Variants in NALCN observed in about 807,000 individuals in gnomAD.
The protein encoded by NALCN is sodium leak channel, non-selective, also known as sodium leak channel NALCN.
A neutral mutation model predicts 225.3 loss-of-function variants in NALCN; 111 were observed. That is an observed-to-expected ratio of 0.49 (90% confidence interval 0.42 to 0.58). The LOEUF is 0.58. NALCN is among the 20% of genes least tolerant of loss of function. The pLI, the probability that NALCN is intolerant of heterozygous loss-of-function variation, is 0.00. For synonymous variants in NALCN, 764 were observed against 769.0 expected (o/e 0.99, Z 0.11); for missense variants, 1,378 against 2,202.4 (o/e 0.63, Z 7.49).
At chr13:101,356,261 A>G (rs9557623) in intron 6 of NALCN, among the ~76,000 whole-genome samples, 66,100 of 151,906 alleles carry the variant, frequency 0.44, 14,895 homozygotes, top group African/African-American at 0.54. Flanking sequence ...TCAGGAGCTA[A>G]TTTTTGAAAA....
chr13:101,189,376 C>T (rs532441896), intron 14 of NALCN, among the ~76,000 whole-genome samples: 68 of 152,224 alleles, frequency 4.5e-4, no homozygotes, highest in Non-Finnish European at 8.2e-4. Flanking sequence ...ATAAATTTAA[C>T]ATTTATTAAT....
At chr13:101,169,946 A>G (rs2038635276) in intron 15 of NALCN, among the ~76,000 whole-genome samples, 1 of 152,230 alleles carries the variant, frequency 6.6e-6, no homozygotes, top group South Asian at 2.1e-4. Flanking sequence ...CAAAATGCTG[A>G]GAAGATTGAA....
intron 11 of NALCN, among the ~76,000 whole-genome samples, chr13:101,249,978 T>C (rs113601918): frequency 6.6e-6 from 1 of 152,220 alleles, no homozygotes; most frequent in African/African-American, 2.4e-5. Flanking sequence ...ATTATCTACA[T>C]AGAAATTCCA....
intron 13 of NALCN, among the ~76,000 whole-genome samples, chr13:101,217,261 T>C (rs1455190720): frequency 6.6e-6 from 1 of 152,194 alleles, no homozygotes; most frequent in African/African-American, 2.4e-5. Context: ...TTCTTGCTTA[T>C]GGCAATCTGT....
Position 101,075,953 on chromosome 13 carries a change from ACAG to A in NALCN, c.3886-15_3886-13del, listed in dbSNP as rs1481828879. The A allele has an allele frequency of 1.2e-6, 2 of 1,604,254 alleles. No individual in the cohort carries two copies. The highest frequency in any genetic ancestry group is 1.7e-6 in the Non-Finnish European group (2 of 1,176,630). On this transcript the variant is annotated splice_polypyrimidine_tract_variant and intron_variant, in intron 34 of 43. Transcript: ENST00000251127. ...TAAGTATATGCATTCTGAAATTTAA[ACAG>A]AAGACAGCTTCTCATAATTTGCACA...
At chr13:101,265,821 T>A (rs910327642) in intron 10 of NALCN, among the ~76,000 whole-genome samples, 2 of 152,164 alleles carry the variant, frequency 1.3e-5, no homozygotes, top group African/African-American at 4.8e-5. Flanking sequence ...TCTTGCCTTG[T>A]ATCAGACAGT....
chr13:101,249,232 A>G (rs2041991089), intron 11 of NALCN, among the ~76,000 whole-genome samples: 1 of 152,214 alleles, frequency 6.6e-6, no homozygotes, highest in Non-Finnish European at 1.5e-5. Flanking sequence ...GACTCTATAA[A>G]TAGCAAGCAA....
intron 7 of NALCN, among the ~76,000 whole-genome samples, chr13:101,313,202 CG>C (rs2038915881): frequency 6.6e-6 from 1 of 151,942 alleles, no homozygotes. Flanking sequence ...TAAAGACTTA[CG>C]TGTTAGACCT....
chr13:101,228,821 T>A (rs1176282803), intron 13 of NALCN, among the ~76,000 whole-genome samples: 2 of 152,166 alleles, frequency 1.3e-5, no homozygotes, highest in African/African-American at 4.8e-5. Context: ...TAAGTCCACA[T>A]AGAGTTAAAT....
intron 17 of NALCN, among the ~76,000 whole-genome samples, chr13:101,135,087 C>T (rs1404487314): frequency 1.3e-5 from 2 of 152,028 alleles, no homozygotes; most frequent in Non-Finnish European, 2.9e-5. Flanking sequence ...CCCAGCTACT[C>T]AGGAGGCTGA....
chr13:101,366,111 C>T (rs1285021534), intron 6 of NALCN, among the ~76,000 whole-genome samples: 1 of 152,126 alleles, frequency 6.6e-6, no homozygotes, highest in Non-Finnish European at 1.5e-5. Context: ...TTTCACAACA[C>T]CTGTTTCTGC....
intron 6 of NALCN, among the ~76,000 whole-genome samples, chr13:101,362,127 T>C (rs1266487958): frequency 6.6e-6 from 1 of 152,008 alleles, no homozygotes; most frequent in East Asian, 1.9e-4. Context: ...AAATATATAA[T>C]ATATCACTAG....
At chr13:101,322,609 C>G (rs1362907617) in intron 7 of NALCN, among the ~76,000 whole-genome samples, 1 of 152,178 alleles carries the variant, frequency 6.6e-6, no homozygotes, top group Non-Finnish European at 1.5e-5. Flanking sequence ...TGTTTAGTTT[C>G]ATCTCTAACC....
intron 14 of NALCN, among the ~76,000 whole-genome samples, chr13:101,188,170 G>A (rs1412658593): frequency 6.6e-6 from 1 of 152,084 alleles, no homozygotes; most frequent in African/African-American, 2.4e-5. Context: ...AAACAAATAT[G>A]GCATATTCAC....
intron 40 of NALCN, among the ~76,000 whole-genome samples, chr13:101,064,945 G>A (rs574588221): frequency 1.3e-3 from 204 of 152,170 alleles, no homozygotes; most frequent in Non-Finnish European, 2.4e-3. Flanking sequence ...TTTAGCCAAC[G>A]GGGCAACCAT....
chr13:101,062,221 C>A, intron 40 of NALCN, 103 bp from the exon 41 acceptor site: 1 of 1,395,396 alleles, frequency 7.2e-7, no homozygotes, highest in South Asian at 1.4e-5. Context: ...TCTAATAAGT[C>A]TAGTGTTTTG....
At chr13:101,232,064 C>T (rs2041370037) in intron 12 of NALCN, among the ~76,000 whole-genome samples, 1 of 151,014 alleles carries the variant, frequency 6.6e-6, no homozygotes, top group African/African-American at 2.4e-5. Flanking sequence ...TACAGAGCTC[C>T]TGGGAGCCAT....
intron 22 of NALCN, 109 bp from the exon 23 acceptor site, chr13:101,105,059 C>G (rs2035025506): frequency 1.1e-6 from 1 of 876,452 alleles, no homozygotes; most frequent in Non-Finnish European, 1.8e-6. Flanking sequence ...TTTACAGCCT[C>G]TCTACAATGT....
At chr13:101,199,416 T>C (rs2040022586) in intron 13 of NALCN, among the ~76,000 whole-genome samples, 1 of 151,824 alleles carries the variant, frequency 6.6e-6, no homozygotes, top group Non-Finnish European at 1.5e-5. Flanking sequence ...CCAACAATTA[T>C]AGACTGGATT....
Sources: gnomAD v4.1 joint callset for allele counts (sites outside exome capture counted in the v4.1 genomes callset) on GRCh38, gnomAD v4.1.1 for gene constraint, MANE v1.5 for transcripts, NCBI Gene and HGNC (gene_info 2026-07-23, HGNC 2026-07-21) for gene names.